Variants in FBLN1 observed in about 807,000 individuals in gnomAD.
FBLN1 encodes the protein fibulin 1, also known as fibulin-1.
Under a neutral mutation model 89.7 loss-of-function variants are expected in FBLN1, and 34 were observed. That is an observed-to-expected ratio of 0.38 (90% CI 0.29 to 0.50). The LOEUF is 0.50. FBLN1 is among the 20% of genes least tolerant of loss of function. The pLI, the probability that FBLN1 is intolerant of heterozygous loss-of-function variation, is 0.92. For missense variants in FBLN1, 777 were observed against 988.1 expected, an observed-to-expected ratio of 0.79 and a Z score of 2.86; for synonymous variants, 393 against 391.3, an observed-to-expected ratio of 1.00 and a Z score of -0.05.
Position 45,550,804 on chromosome 22 carries a change from AG to A in FBLN1, c.1697+194del. ...TAGTGACACTGGTCTCGGAAAGTCA[AG>A]GGGGTAACTGCAAATGAGTCTGGGG... On this transcript the variant is annotated intron_variant, in intron 14 of 16. Transcript: ENST00000327858. The surrounding 1 kb of genome is among the most constrained non-coding windows in gnomAD (Gnocchi z 8.4). The A allele has an allele frequency of 1.3e-6, 1 of 774,806 alleles. No homozygotes were observed. 48.0% of individuals were successfully genotyped at this position (774,806 alleles called of 1,614,324 possible).
At chr22:45,533,940 C>A (rs201514235) in intron 7 of FBLN1, 42 bp downstream of exon 7, 1 of 1,611,920 alleles carries the variant, frequency 6.2e-7, no homozygotes. Flanking sequence ...GTCTTCCAGG[C>A]GTAGATACGG....
intron 1 of FBLN1, among the ~76,000 whole-genome samples, chr22:45,515,721 G>T (rs1221025639): frequency 1.3e-5 from 2 of 152,194 alleles, no homozygotes; most frequent in Non-Finnish European, 2.9e-5. Flanking sequence ...ACTGTTTACA[G>T]AGAACTTTCT....
In FBLN1 at chr22:45,541,364, G is replaced by T. The variant is rs746653271; in HGVS notation, c.1058G>T (p.Arg353Leu). ...TACCATCTCAACGAGGAGGGAACGC[G>T]CTGTGTTGGTTGGTATTAAGAAAAC... is the stretch of plus-strand genomic sequence containing the variant. The part of the protein sequence containing the change: ...RGYHLNEEGT[R>L]CVDVDECAPP... Residue 353 changes from arginine to leucine, a missense_variant, in exon 9 of 17, where the codon CGC (arginine) becomes CTC (leucine). Transcript: ENST00000327858. The T allele has an allele frequency of 2.5e-5, 40 of 1,614,128 alleles. No homozygotes were observed. Among genetic ancestry groups the T allele is most frequent in the Admixed American group, 5.0e-5 (3 of 60,016 alleles).
Position 45,542,167 on chromosome 22 carries a change from G to A in FBLN1, c.1079G>A (p.Cys360Tyr), listed in dbSNP as rs2088564467. The change falls in exon 10 of 17, where the codon TGC (cysteine) becomes TAC (tyrosine). Residue 360 changes from cysteine to tyrosine, a missense_variant. Coordinates refer to ENST00000327858, the MANE Select transcript of FBLN1 (RefSeq NM_006486.3). ...EGTRCVDVDE[C>Y]APPAEPCGKG... ...TCTCCTTTGCAAGATGTGGACGAGT[G>A]CGCGCCACCTGCTGAGCCCTGTGGG... 1 of 1,614,192 alleles carries A rather than the reference G, an allele frequency of 6.2e-7. No homozygotes were observed. The highest frequency in any genetic ancestry group is 8.5e-7 in the Non-Finnish European group (1 of 1,180,028).
At chr22:45,564,917 A>C (rs998704201) in intron 14 of FBLN1, 7 of 1,614,040 alleles carry the variant, frequency 4.3e-6, no homozygotes, top group Non-Finnish European at 5.9e-6. Context: ...AGAACACCCC[A>C]GCGGGATCAA....
intron 16 of FBLN1, among the ~76,000 whole-genome samples, chr22:45,592,129 C>T (rs1202912581): frequency 6.6e-6 from 1 of 152,174 alleles, no homozygotes; most frequent in African/African-American, 2.4e-5. Flanking sequence ...GAAGGTGCTA[C>T]TAGTAGCGCC....
intron 16 of FBLN1, among the ~76,000 whole-genome samples, chr22:45,599,080 T>TA (rs577520062): frequency 1.1e-4 from 17 of 152,172 alleles, no homozygotes; most frequent in African/African-American, 3.4e-4. Flanking sequence ...CCCACTCCCT[T>TA]ACCCGCTAAC....
In FBLN1 at chr22:45,580,089, G is replaced by T. The variant is rs1390299216; in HGVS notation, c.1972+2981G>T. 6.6e-6 allele frequency among the ~76,000 whole-genome samples: 1 copy of T among 152,196 alleles called. No homozygotes were observed. Among genetic ancestry groups the T allele is most frequent in the Admixed American group, 6.5e-5 (1 of 15,282 alleles). On this transcript the variant is annotated intron_variant, in intron 16 of 16. Transcript: ENST00000327858. The surrounding 1 kb of genome is among the most constrained non-coding windows in gnomAD (Gnocchi z 8.6). ...GATTGTCTCCCTTGGGCAAAGGAGG[G>T]AGCTGAGTTAAATGACCGCCTGAGA... is the stretch of plus-strand genomic sequence containing the variant.
chr22:45,559,908 A>G (rs1403781407), intron 14 of FBLN1, among the ~76,000 whole-genome samples: 1 of 152,220 alleles, frequency 6.6e-6, no homozygotes, highest in Non-Finnish European at 1.5e-5. Flanking sequence ...CCCTTCATTC[A>G]AGGGGTTCTG....
chr22:45,506,036 T>C (rs2088015710), intron 1 of FBLN1, among the ~76,000 whole-genome samples: 1 of 152,208 alleles, frequency 6.6e-6, no homozygotes, highest in Non-Finnish European at 1.5e-5. Flanking sequence ...CCCAAAGTGC[T>C]GGAATTACAG....
rs2016518 is a variant in FBLN1 at position 45,588,021 on chromosome 22, A to G, written c.1972+10913A>G. Among the ~76,000 whole-genome samples the G allele has an allele frequency of 0.39, 59,132 of 152,090 alleles. 12,569 individuals are homozygous for G. Among genetic ancestry groups the G allele is most frequent in the Admixed American group, 0.53 (8,154 of 15,276 alleles). On this transcript the variant is annotated intron_variant, in intron 16 of 16. Transcript: ENST00000327858. This position sits in a 1 kb window ranked among gnomAD's most constrained non-coding sequence, Gnocchi z 5.1. ...TGAGGAATGCAGCAGTGACTAAGGC[A>G]GACATGAACGCCTCTCTCATACACT...
intron 3 of FBLN1, among the ~76,000 whole-genome samples, chr22:45,526,401 G>A (rs894225286): frequency 6.6e-6 from 1 of 152,210 alleles, no homozygotes; most frequent in Non-Finnish European, 1.5e-5. Context: ...AACCCAAGGT[G>A]TCCAGGCCAT....
In FBLN1 at chr22:45,532,954, T is replaced by C; in HGVS notation, c.545-109T>C. 2.0e-6 allele frequency: 2 copies of C among 984,826 alleles called. No individual in the cohort carries two copies. Among genetic ancestry groups the C allele is most frequent in the East Asian group, 2.6e-5 (1 of 39,150 alleles). 61.0% of individuals were successfully genotyped at this position (984,826 alleles called of 1,614,324 possible). ...CTCCAGCCAGGTCAGCCTGCCTTCC[T>C]GGGTTCGTCTGCCCAGAGGGCGTTT... On this transcript the variant is annotated intron_variant, in intron 5 of 16. Coordinates refer to ENST00000327858, the MANE Select transcript of FBLN1 (RefSeq NM_006486.3). The surrounding 1 kb of genome is among the most constrained non-coding windows in gnomAD (Gnocchi z 4.2).
chr22:45,577,402 G>A lies in FBLN1; in HGVS notation c.1972+294G>A, dbSNP rs1009440652. On this transcript the variant is annotated intron_variant, in intron 16 of 16. Coordinates refer to ENST00000327858, the MANE Select transcript of FBLN1 (RefSeq NM_006486.3). This position sits in a 1 kb window ranked among gnomAD's most constrained non-coding sequence, Gnocchi z 6.6. ...ATGGGTGGGTTCCAGAGAGCGCTGC[G>A]CCTCACAACCATGAATTTCAAATGA... Among the ~76,000 whole-genome samples the A allele has an allele frequency of 1.3e-5, 2 of 152,236 alleles. No individual in the cohort carries two copies. The highest frequency in any genetic ancestry group is 2.4e-5 in the African/African-American group (1 of 41,460).
rs7292820 is a variant in FBLN1, at chr22:45,590,656, G to A, written c.1973-9651G>A. ...GACGAGGCCGGAACTGAGGCCAGGT[G>A]GGGTTGTGGGGAGAGAAGGGAGGAG... On this transcript the variant is annotated intron_variant, in intron 16 of 16. Coordinates refer to ENST00000327858, the MANE Select transcript of FBLN1 (RefSeq NM_006486.3). This position sits in a 1 kb window ranked among gnomAD's most constrained non-coding sequence, Gnocchi z 4.1. Among the ~76,000 whole-genome samples, 9,663 of 152,234 alleles carry A rather than the reference G, an allele frequency of 0.063. 422 individuals are homozygous for A. Among genetic ancestry groups the A allele is most frequent in the South Asian group, 0.13 (622 of 4,830 alleles).
chr22:45,554,372 G>T (rs2088750229), intron 14 of FBLN1, among the ~76,000 whole-genome samples: 1 of 152,178 alleles, frequency 6.6e-6, no homozygotes, highest in Admixed American at 6.5e-5. Context: ...CTGGACCTGG[G>T]CATCTCTGGG....
At position 45,531,222 on chromosome 22, in the gene FBLN1, G is replaced by A; in HGVS notation, c.485-43G>A. On this transcript the variant is annotated intron_variant, in intron 4 of 16. Coordinates refer to ENST00000327858, the MANE Select transcript of FBLN1 (RefSeq NM_006486.3). The surrounding 1 kb of genome is among the most constrained non-coding windows in gnomAD (Gnocchi z 4.9). ...TTGGGAGTTTCTTTTAAGATAAGATGGGTGTTTGGATAAATGTCTGACTTG... is the reference window on the plus strand; with the variant it reads ...TTGGGAGTTTCTTTTAAGATAAGATAGGTGTTTGGATAAATGTCTGACTTG... 6.4e-7 allele frequency: 1 copy of A among 1,553,878 alleles called. No individual in the cohort carries two copies. The highest frequency in any genetic ancestry group is 1.1e-5 in the South Asian group (1 of 89,840).
rs1485298495 is a variant in FBLN1 at position 45,536,719 on chromosome 22, C to T, written c.922+1382C>T. On this transcript the variant is annotated intron_variant, in intron 8 of 16. Transcript: ENST00000327858. The surrounding 1 kb of genome is among the most constrained non-coding windows in gnomAD (Gnocchi z 5.1). Reference sequence around the variant, plus strand: ...GGCAGAGGTTGCAGTGAGCTGAGATCACGCCACTGTACTCCAGCCTGGGTG... The same window carrying T: ...GGCAGAGGTTGCAGTGAGCTGAGATTACGCCACTGTACTCCAGCCTGGGTG... Among the ~76,000 whole-genome samples, 2 of 151,650 alleles carry T rather than the reference C, an allele frequency of 1.3e-5. No homozygotes were observed. Among genetic ancestry groups the T allele is most frequent in the East Asian group, 1.9e-4 (1 of 5,194 alleles).
At position 45,578,351 on chromosome 22, in the gene FBLN1, TCACTGGGGGGCTCCC is replaced by T; in HGVS notation, c.1972+1247_1972+1261del. Reference sequence around the variant, plus strand: ...TTTGCATGTTGTAAACATGACTGAGTCACTGGGGGGCTCCCCACCCCAGCCTCCTCCTGCGCTAGC... The same window carrying T: ...TTTGCATGTTGTAAACATGACTGAGTCACCCCAGCCTCCTCCTGCGCTAGC... On this transcript the variant is annotated intron_variant, in intron 16 of 16. Transcript: ENST00000327858. This position sits in a 1 kb window ranked among gnomAD's most constrained non-coding sequence, Gnocchi z 4.6. 1 of 152,258 alleles carries T rather than the reference TCACTGGGGGGCTCCC, an allele frequency of 6.6e-6. No homozygotes were observed. The highest frequency in any genetic ancestry group is 1.9e-4 in the East Asian group (1 of 5,172). The allele number at this position is 152,258 out of a possible 1,614,324, so 9.4% of individuals were successfully genotyped here.
Sources: gnomAD v4.1 joint callset for allele counts (sites outside exome capture counted in the v4.1 genomes callset) on GRCh38, gnomAD v4.1.1 for gene constraint, Gnocchi (gnomAD v3.1) non-coding constraint, MANE v1.5 for transcripts, NCBI Gene and HGNC (gene_info 2026-07-23, HGNC 2026-07-21) for gene names.